PITPNM3: variants seen among roughly 807,000 people sequenced by gnomAD.
PITPNM3 encodes PITPNM family member 3.
Under a neutral mutation model 102.0 loss-of-function variants are expected in PITPNM3, and 26 were observed. That is an observed-to-expected ratio of 0.25 (90% CI 0.19 to 0.35). The LOEUF (loss-of-function observed/expected upper bound fraction) is 0.35. PITPNM3 is among the 10% of genes least tolerant of loss of function. The pLI is 1.00. For synonymous variants in PITPNM3, 578 were observed against 558.6 expected (o/e 1.03, Z -0.49); for missense variants, 1,083 against 1,346.1 (o/e 0.80, Z 3.06).
intron 4 of PITPNM3, among the ~76,000 whole-genome samples, chr17:6,487,317 G>C (rs1228357009): frequency 6.6e-6 from 1 of 152,182 alleles, no homozygotes; most frequent in Non-Finnish European, 1.5e-5. Context: ...GGATAGATGA[G>C]TTCATATGCA....
rs558632111 is a variant in PITPNM3, at chr17:6,523,515, AC to A, written c.226+1840del. Among the ~76,000 whole-genome samples the A allele has an allele frequency of 7.0e-4, 107 of 152,202 alleles. No homozygotes were observed. The South Asian group carries it at 0.01, about 15-fold the overall frequency. On this transcript the variant is annotated intron_variant, in intron 3 of 19. Coordinates refer to ENST00000262483, the MANE Select transcript of PITPNM3 (RefSeq NM_031220.4). The stretch of plus-strand genomic sequence containing the variant: ...TCCCAGCTCACTCTGCCTCTTGCTC[AC>A]CTGACCGACTGCCCTTAGCTCTCAC...
intron 6 of PITPNM3, chr17:6,481,487 C>T (rs1445169595): frequency 6.6e-6 from 1 of 152,298 alleles, no homozygotes; most frequent in Non-Finnish European, 1.5e-5. Flanking sequence ...AGGTTATTTA[C>T]TATGGCTACC....
rs749392545 is a variant in PITPNM3, at chr17:6,470,438, G to A, written c.1625-30C>T. 34 of 1,613,672 alleles carry A rather than the reference G, an allele frequency of 2.1e-5. 1 individual carries two copies. Among genetic ancestry groups the A allele is most frequent in the Non-Finnish European group, 2.5e-5 (30 of 1,179,972 alleles). On this transcript the variant is annotated intron_variant, in intron 12 of 19. Coordinates refer to ENST00000262483, the MANE Select transcript of PITPNM3 (RefSeq NM_031220.4). The surrounding 1 kb of genome is among the most constrained non-coding windows in gnomAD (Gnocchi z 4.8). ...GGGTCGGAGAGGAAGGTGAGGATGC[G>A]TGGCCGGCCCGGGGCCTCACCCGAG... is the stretch of plus-strand genomic sequence containing the variant.
At position 6,454,393 on chromosome 17, in the gene PITPNM3, C is replaced by T. The variant is rs1308098091; in HGVS notation, c.*945G>A. The T allele has an allele frequency of 6.6e-6, 1 of 152,250 alleles. No individual in the cohort carries two copies. The highest frequency in any genetic ancestry group is 6.5e-5 in the Admixed American group (1 of 15,274). The allele number at this position is 152,250 out of a possible 1,614,324, so 9.4% of individuals were successfully genotyped here. A position where few individuals can be genotyped will look rare whatever the true frequency, so the allele number is the denominator to read the frequency against. On this transcript the variant is annotated 3_prime_UTR_variant, in exon 20 of 20. Coordinates refer to ENST00000262483, the MANE Select transcript of PITPNM3 (RefSeq NM_031220.4). The stretch of plus-strand genomic sequence containing the variant: ...GCCCACCCAGACCCCCTCTCCCAGG[C>T]TGTGTGAAAGGTGTGGGTCACAGGA...
intron 6 of PITPNM3, among the ~76,000 whole-genome samples, chr17:6,482,631 T>C (rs965894141): frequency 6.6e-6 from 1 of 152,132 alleles, no homozygotes; most frequent in Non-Finnish European, 1.5e-5. Flanking sequence ...TGTCAGAAGT[T>C]TGGGGCAGTC....
At chr17:6,510,382 A>T (rs373947661) in intron 3 of PITPNM3, among the ~76,000 whole-genome samples, 11 of 152,006 alleles carry the variant, frequency 7.2e-5, no homozygotes, top group Admixed American at 7.2e-4. Context: ...CTCTGCCCTC[A>T]CTGGTCTGTC....
intron 8 of PITPNM3, among the ~76,000 whole-genome samples, chr17:6,477,548 C>CT (rs1002758322): frequency 6.6e-6 from 1 of 151,902 alleles, no homozygotes; most frequent in African/African-American, 2.4e-5. Flanking sequence ...TCTTCTTCTT[C>CT]TTTTTTTTCC....
Position 6,537,972 on chromosome 17 carries a change from CTG to C in PITPNM3, c.118+13_118+14del. 1 of 1,601,646 alleles carries C rather than the reference CTG, an allele frequency of 6.2e-7. No homozygotes were observed. The highest frequency in any genetic ancestry group is 8.6e-7 in the Non-Finnish European group (1 of 1,169,100). On this transcript the variant is annotated intron_variant, in intron 2 of 19. Coordinates refer to ENST00000262483, the MANE Select transcript of PITPNM3 (RefSeq NM_031220.4). This position sits in a 1 kb window ranked among gnomAD's most constrained non-coding sequence, Gnocchi z 4.4. Reference sequence around the variant, plus strand: ...AGGTCACCCAGCCAGTGATATGAGACTGGGGTTCACTCACCTCTGGCATCAAA... The same window carrying C: ...AGGTCACCCAGCCAGTGATATGAGACGGGTTCACTCACCTCTGGCATCAAA...
intron 3 of PITPNM3, among the ~76,000 whole-genome samples, chr17:6,507,657 C>T (rs375804151): frequency 3.9e-5 from 6 of 152,186 alleles, no homozygotes; most frequent in East Asian, 1.9e-4. Context: ...AAACCCAATA[C>T]CTGCAGCCCT....
chr17:6,455,535 G>A lies in PITPNM3; in HGVS notation c.2728C>T (p.Leu910=), dbSNP rs1274905100. Residue 910 remains leucine, a synonymous_variant, in exon 20 of 20, where the codon CTG becomes TTG. Coordinates refer to ENST00000262483, the MANE Select transcript of PITPNM3 (RefSeq NM_031220.4). Reference sequence around the variant, plus strand: ...CGCAGGAACTCTGGCTGCGCGTGCAGCCCGAAGCTGCCCTTGCGCAGGATC... The same window carrying A: ...CGCAGGAACTCTGGCTGCGCGTGCAACCCGAAGCTGCCCTTGCGCAGGATC... ...RMILRKGSFG[L]HAQPEFLRKR... is the part of the protein sequence containing the mutation. 1.2e-6 allele frequency: 2 copies of A among 1,604,524 alleles called. No individual in the cohort carries two copies. The highest frequency in any genetic ancestry group is 2.2e-5 in the East Asian group (1 of 44,632).
chr17:6,492,583 G>T (rs931457992), intron 4 of PITPNM3, among the ~76,000 whole-genome samples: 1 of 152,142 alleles, frequency 6.6e-6, no homozygotes, highest in African/African-American at 2.4e-5. Context: ...GAGGCTAGGC[G>T]CCATGGCTCA....
chr17:6,475,098 A>G (rs1905243729), intron 9 of PITPNM3, among the ~76,000 whole-genome samples: 1 of 152,176 alleles, frequency 6.6e-6, no homozygotes, highest in African/African-American at 2.4e-5. Context: ...AGCCTGCCCA[A>G]CACTCAGCTG....
intron 3 of PITPNM3, among the ~76,000 whole-genome samples, chr17:6,524,685 G>A (rs1006903483): frequency 1.3e-5 from 2 of 152,116 alleles, no homozygotes; most frequent in East Asian, 1.9e-4. Context: ...TGACTTATAC[G>A]TGTCACACAT....
intron 1 of PITPNM3, among the ~76,000 whole-genome samples, chr17:6,542,866 C>T (rs1205582826): frequency 6.6e-6 from 1 of 152,154 alleles, no homozygotes; most frequent in Non-Finnish European, 1.5e-5. Flanking sequence ...TTCCATCCAC[C>T]TTCACTACCA....
intron 4 of PITPNM3, among the ~76,000 whole-genome samples, chr17:6,491,211 G>A (rs1906461439): frequency 6.6e-6 from 1 of 151,844 alleles, no homozygotes; most frequent in Non-Finnish European, 1.5e-5. Flanking sequence ...GGCATAGATA[G>A]GGTCGCTGGA....
At chr17:6,496,339 C>CT (rs1480001243) in intron 4 of PITPNM3, among the ~76,000 whole-genome samples, 3 of 152,172 alleles carry the variant, frequency 2.0e-5, no homozygotes, top group African/African-American at 7.2e-5. Flanking sequence ...CCGCCTTCTG[C>CT]TCCGCTCTCC....
rs564232487 is a variant in PITPNM3 at position 6,530,548 on chromosome 17, G to T, written c.119-5085C>A. 5.3e-5 allele frequency among the ~76,000 whole-genome samples: 8 copies of T among 152,292 alleles called. 1 individual carries two copies. Among genetic ancestry groups the T allele is most frequent in the African/African-American group, 1.9e-4 (8 of 41,544 alleles). ...AGAAACCAAGGACACAAAAGACATG[G>T]GGGTAAATGCAGAAAGGAGGACTCC... is the stretch of plus-strand genomic sequence containing the variant. On this transcript the variant is annotated intron_variant, in intron 2 of 19. Transcript: ENST00000262483.
In PITPNM3 at chr17:6,458,794, C is replaced by T. The variant is rs1105916; in HGVS notation, c.2491-1072G>A. ...TCACCCCTTCATCCTCCTCCCACACCTGCCCGGCCAAATCTCAGCCCTGGA... is the reference window on the plus strand; with the variant it reads ...TCACCCCTTCATCCTCCTCCCACACTTGCCCGGCCAAATCTCAGCCCTGGA... On this transcript the variant is annotated intron_variant, in intron 18 of 19. Transcript: ENST00000262483. This position sits in a 1 kb window ranked among gnomAD's most constrained non-coding sequence, Gnocchi z 5.1. Among the ~76,000 whole-genome samples, 64,954 of 151,780 alleles carry T rather than the reference C, an allele frequency of 0.43. 14,636 individuals are homozygous for T. The highest frequency in any genetic ancestry group is 0.58 in the Middle Eastern group (169 of 292).
In PITPNM3 at chr17:6,473,693, T is replaced by A. The variant is rs1271946174; in HGVS notation, c.1258+739A>T. Among the ~76,000 whole-genome samples, 4 of 152,064 alleles carry A rather than the reference T, an allele frequency of 2.6e-5. No homozygotes were observed. The East Asian group carries it at 7.7e-4, about 29-fold the overall frequency. On this transcript the variant is annotated intron_variant, in intron 10 of 19. Coordinates refer to ENST00000262483, the MANE Select transcript of PITPNM3 (RefSeq NM_031220.4). ...GAAAAGGCATTCGAGGTTGCAGGTATTAGCCGGGCACGGTGGTTCACGCCT... is the reference window on the plus strand; with the variant it reads ...GAAAAGGCATTCGAGGTTGCAGGTAATAGCCGGGCACGGTGGTTCACGCCT...
Sources: gnomAD v4.1 joint callset for allele counts (sites outside exome capture counted in the v4.1 genomes callset) on GRCh38, gnomAD v4.1.1 for gene constraint, Gnocchi (gnomAD v3.1) non-coding constraint, MANE v1.5 for transcripts, NCBI Gene and HGNC (gene_info 2026-07-23, HGNC 2026-07-21) for gene names.